Variants in CPLANE1 observed in about 807,000 individuals in gnomAD.
CPLANE1 encodes ciliogenesis and planar polarity effector complex subunit 1.
CPLANE1 carries 263 observed loss-of-function variants against 362.5 expected under a neutral mutation model. The ratio of observed to expected loss-of-function variants is 0.73; its 90% confidence interval spans 0.66 to 0.80. The LOEUF is 0.80. CPLANE1 is among the 30% of genes least tolerant of loss of function. CPLANE1 has a pLI of 0.00. For synonymous variants in CPLANE1, 1,212 were observed against 1,302.6 expected (o/e 0.93, Z 1.50); for missense variants, 3,461 against 3,793.4 (o/e 0.91, Z 2.30).
At chr5:37,147,571 C>T (rs1772041823) in intron 43 of CPLANE1, among the ~76,000 whole-genome samples, 1 of 151,436 alleles carries the variant, frequency 6.6e-6, no homozygotes, top group Non-Finnish European at 1.5e-5. Flanking sequence ...CAAGTTAATG[C>T]CCCCAAAATA....
In CPLANE1 at chr5:37,180,947, T is replaced by C. The variant is rs749120835; in HGVS notation, c.5480A>G (p.Lys1827Arg). 4.3e-6 allele frequency: 7 copies of C among 1,613,938 alleles called. No homozygotes were observed. The change falls in exon 27 of 53, where the codon AAA becomes AGA. Residue 1827 changes from lysine to arginine, a missense_variant. Coordinates refer to ENST00000651892, the MANE Select transcript of CPLANE1 (RefSeq NM_001384732.1). The part of the protein sequence containing the change: ...QIGPNIERES[K>R]SDAGGSVAVA... ...TGCAACTGAACCGCCAGCATCTGATTTGCTCTCCCTCTCAATATTGGGTCC... is the reference window on the plus strand; with the variant it reads ...TGCAACTGAACCGCCAGCATCTGATCTGCTCTCCCTCTCAATATTGGGTCC...
At chr5:37,166,942 A>G (rs958004307) in intron 35 of CPLANE1, 105 bp downstream of exon 35, 21 of 858,468 alleles carry the variant, frequency 2.4e-5, no homozygotes, top group African/African-American at 7.0e-5. Context: ...TGAATGTGCA[A>G]TTGTGTATAG....
intron 42 of CPLANE1, among the ~76,000 whole-genome samples, 200 bp downstream of exon 42, chr5:37,153,540 A>C (rs1473912032): frequency 6.6e-6 from 1 of 152,166 alleles, no homozygotes; most frequent in Admixed American, 6.5e-5. Flanking sequence ...GATGCTGCCA[A>C]ATATCCTACA....
chr5:37,122,747 C>G (rs1763019936), intron 47 of CPLANE1, among the ~76,000 whole-genome samples: 1 of 152,076 alleles, frequency 6.6e-6, no homozygotes, highest in African/African-American at 2.4e-5. Context: ...AACCTCGTCT[C>G]TACTAAAAAT....
the CPLANE1 span, among the ~76,000 whole-genome samples, chr5:37,087,375 C>T: frequency 2.0e-5 from 3 of 152,290 alleles, no homozygotes; most frequent in South Asian, 2.1e-4. Flanking sequence ...CCACCATCAC[C>T]GGGCCAAAAT....
intron 36 of CPLANE1, 68 bp from the exon 37 acceptor site, chr5:37,164,395 T>A: frequency 8.6e-7 from 1 of 1,165,808 alleles, no homozygotes; most frequent in Non-Finnish European, 1.3e-6. Flanking sequence ...GAAAAAAAAA[T>A]CAATAGCTAT....
intron 8 of CPLANE1, among the ~76,000 whole-genome samples, chr5:37,233,146 G>A (rs1389398949): frequency 1.3e-5 from 2 of 152,168 alleles, no homozygotes; most frequent in Non-Finnish European, 2.9e-5. Context: ...TCCAGAAAGG[G>A]AAAACACATG....
At chr5:37,241,637 T>C (rs749710790) in intron 6 of CPLANE1, among the ~76,000 whole-genome samples, 3 of 152,128 alleles carry the variant, frequency 2.0e-5, no homozygotes, top group Non-Finnish European at 4.4e-5. Flanking sequence ...ATTTATTTAT[T>C]TATTTTCCAG....
chr5:37,224,397 G>T, intron 13 of CPLANE1, 64 bp from the exon 14 acceptor site: 2 of 1,359,908 alleles, frequency 1.5e-6, no homozygotes, highest in Non-Finnish European at 2.0e-6. Flanking sequence ...AATTTACTTT[G>T]TTTTAAAATC....
chr5:37,209,971 A>G lies in CPLANE1; in HGVS notation c.2921-3546T>C, dbSNP rs1580760899. 5.9e-6 allele frequency: 6 copies of G among 1,019,526 alleles called. No individual in the cohort carries two copies. In the East Asian group the frequency reaches 9.5e-5, roughly 16 times the overall value. The allele number at this position is 1,019,526 out of a possible 1,614,324, so 63.2% of individuals were successfully genotyped here. On this transcript the variant is annotated intron_variant, in intron 16 of 52. Coordinates refer to ENST00000651892, the MANE Select transcript of CPLANE1 (RefSeq NM_001384732.1). The surrounding 1 kb of genome is among the most constrained non-coding windows in gnomAD (Gnocchi z 4.6). ...TCTTTAGAAATAAAGCTAAATGAAT[A>G]TAAGAGAGAAATAGAAGAGCAACTT...
chr5:37,160,388 G>A (rs1326069821), intron 38 of CPLANE1, among the ~76,000 whole-genome samples: 3 of 151,950 alleles, frequency 2.0e-5, no homozygotes, highest in Non-Finnish European at 4.4e-5. Flanking sequence ...AACCCTGTCT[G>A]TACTAAAAAT....
chr5:37,226,401 T>A lies in CPLANE1; in HGVS notation c.2194A>T (p.Met732Leu), dbSNP rs1054212301. 4 of 1,549,966 alleles carry A rather than the reference T, an allele frequency of 2.6e-6. No homozygotes were observed. Among genetic ancestry groups the A allele is most frequent in the African/African-American group, 1.4e-5 (1 of 72,976 alleles). Residue 732 changes from methionine to leucine, a missense_variant, in exon 12 of 53, where the codon ATG (methionine) becomes TTG (leucine). By Grantham distance (15) the Met-to-Leu change is conservative (BLOSUM62 2). Coordinates refer to ENST00000651892, the MANE Select transcript of CPLANE1 (RefSeq NM_001384732.1). ...QDSLVVPIFQ[M>L]FQDSGFQKNW... is the part of the protein sequence containing the mutation. ...TTCTGAAAACCACTATCTTGAAACA[T>A]CTGAAAAATAGGTACCACCAATGAG...
intron 18 of CPLANE1, among the ~76,000 whole-genome samples, chr5:37,203,598 T>G (rs1201354983): frequency 1.3e-5 from 2 of 152,158 alleles, no homozygotes; most frequent in Admixed American, 6.5e-5. Context: ...ACTGCAGACT[T>G]GACCTCCTAG....
In CPLANE1 at chr5:37,167,126, C is replaced by G; in HGVS notation, c.7321G>C (p.Gly2441Arg). 1 of 1,613,288 alleles carries G rather than the reference C, an allele frequency of 6.2e-7. No individual in the cohort carries two copies. Among genetic ancestry groups the G allele is most frequent in the South Asian group, 1.1e-5 (1 of 90,986 alleles). ...QKLTHNLFEQGDAGHLQLLKV... is the reference protein window; with the variant it reads ...QKLTHNLFEQRDAGHLQLLKV... ...AGAAGTTGAAGGTGTCCAGCATCAC[C>G]TTGTTCAAATAAATTATGTGTTAGT... The change falls in exon 35 of 53, where the codon GGT becomes CGT. Residue 2441 changes from glycine (G) to arginine (R), a missense_variant. Physicochemically the swap from Gly to Arg is moderately radical, Grantham distance 125 (BLOSUM62 -2). Around this residue, in one of 2 missense-constraint regions of CPLANE1, gnomAD observed 3,380 missense variants for 3,666.1 expected, o/e 0.92. Transcript: ENST00000651892.
the CPLANE1 span, among the ~76,000 whole-genome samples, chr5:37,080,403 G>A: frequency 6.6e-6 from 1 of 152,192 alleles, no homozygotes; most frequent in Non-Finnish European, 1.5e-5. Flanking sequence ...AAGATCAAGA[G>A]GGAAAAAGCT....
chr5:37,166,382 A>G (rs1230743488), intron 35 of CPLANE1, among the ~76,000 whole-genome samples: 1 of 152,200 alleles, frequency 6.6e-6, no homozygotes, highest in Non-Finnish European at 1.5e-5. Flanking sequence ...TCAAAGTATT[A>G]GATGATACAG....
chr5:37,183,513 C>T lies in CPLANE1; in HGVS notation c.4668G>A (p.Leu1556=). 1 of 1,613,650 alleles carries T rather than the reference C, an allele frequency of 6.2e-7. No individual in the cohort carries two copies. The highest frequency in any genetic ancestry group is 2.2e-5 in the East Asian group (1 of 44,816). ...DDDEYIKFLD[L]FLSYILERDL... is the part of the protein sequence containing the mutation. The stretch of plus-strand genomic sequence containing the variant: ...CTCTTTCAAGAATGTAACTCAAAAA[C>T]AGATCAAGGAATTTAATATATTCAT... The change falls in exon 26 of 53, where the codon CTG becomes CTA. Residue 1556 remains leucine, a synonymous_variant. Coordinates refer to ENST00000651892, the MANE Select transcript of CPLANE1 (RefSeq NM_001384732.1).
In CPLANE1 at chr5:37,160,671, C is replaced by CTT. The variant is rs1328332570; in HGVS notation, c.7690+1792_7690+1793dup. On this transcript the variant is annotated intron_variant, in intron 38 of 52. Coordinates refer to ENST00000651892, the MANE Select transcript of CPLANE1 (RefSeq NM_001384732.1). ...AAAGAAATACAAATTAAAATAATGA[C>CTT]TTTTTTTTTTTTTTTTTGGAGACAG... 3.4e-3 allele frequency among the ~76,000 whole-genome samples: 468 copies of CTT among 138,548 alleles called. 7 individuals carry two copies. The highest frequency in any genetic ancestry group is 0.011 in the African/African-American group (422 of 37,240). 90.9% of individuals were successfully genotyped at this position (138,548 alleles called of 152,430 possible). A position where few individuals can be genotyped will look rare whatever the true frequency, so the allele number is the denominator to read the frequency against.
chr5:37,241,396 A>C (rs1376946471), intron 6 of CPLANE1, among the ~76,000 whole-genome samples: 1 of 152,174 alleles, frequency 6.6e-6, no homozygotes, highest in African/African-American at 2.4e-5. Flanking sequence ...CAGAAGTTGC[A>C]GTGAGCCAAG....
Sources: allele counts gnomAD v4.1 joint callset (sites outside exome capture counted in the v4.1 genomes callset), GRCh38; gene constraint gnomAD v4.1.1; regional missense constraint gnomAD v4.1.1; non-coding constraint Gnocchi (gnomAD v3.1); transcripts MANE v1.5; gene names NCBI Gene and HGNC (gene_info 2026-07-23, HGNC 2026-07-21).